The following REDIC1 variants were observed in gnomAD, a reference collection of about 807,000 sequenced individuals.
REDIC1 encodes regulator of DNA class I crossover intermediates 1.
the REDIC1 span, among the ~76,000 whole-genome samples, chr12:39,805,182 T>C: frequency 6.6e-6 from 1 of 151,902 alleles, no homozygotes; most frequent in South Asian, 2.1e-4. Flanking sequence ...GTGGCCAGAA[T>C]GTGTAGGACT....
the REDIC1 span, among the ~76,000 whole-genome samples, chr12:39,647,187 G>A: frequency 1.3e-5 from 2 of 151,964 alleles, no homozygotes; most frequent in Non-Finnish European, 2.9e-5. Flanking sequence ...TTGGGTTCAC[G>A]TGATTATTGA....
the REDIC1 span, among the ~76,000 whole-genome samples, chr12:39,784,043 G>T: frequency 2.6e-5 from 4 of 152,148 alleles, no homozygotes; most frequent in Non-Finnish European, 5.9e-5. Context: ...TCTTCAAGGA[G>T]AACTACAAAC....
chr12:39,752,152 T>C, the REDIC1 span, among the ~76,000 whole-genome samples: 1 of 152,200 alleles, frequency 6.6e-6, no homozygotes, highest in African/African-American at 2.4e-5. Flanking sequence ...GTGTATCTTC[T>C]AGCGTGGAAT....
chr12:39,784,385 C>A, the REDIC1 span, among the ~76,000 whole-genome samples: 1 of 152,162 alleles, frequency 6.6e-6, no homozygotes, highest in Non-Finnish European at 1.5e-5. Flanking sequence ...AGATATAGAA[C>A]AATGGAACAG....
the REDIC1 span, among the ~76,000 whole-genome samples, chr12:39,712,472 A>C: frequency 2.1e-5 from 3 of 142,112 alleles, no homozygotes; most frequent in East Asian, 6.3e-4. Context: ...ACGTATGTAT[A>C]TATACATACA....
At chr12:39,826,845 T>A in the REDIC1 span, among the ~76,000 whole-genome samples, 1,522 of 127,086 alleles carry the variant, frequency 0.012, 35 homozygotes, top group African/African-American at 0.042. Flanking sequence ...TCTTTTAAAG[T>A]CTCTTTCAAT....
At chr12:39,890,772 CTA>C in the REDIC1 span, among the ~76,000 whole-genome samples, 19 of 152,176 alleles carry the variant, frequency 1.2e-4, no homozygotes, top group South Asian at 3.3e-3. Context: ...TACTGAGACC[CTA>C]TGTTATGGGA....
the REDIC1 span, among the ~76,000 whole-genome samples, chr12:39,840,101 G>A: frequency 4.0e-5 from 6 of 151,814 alleles, no homozygotes; most frequent in Non-Finnish European, 8.8e-5. Flanking sequence ...GTGTGATCTT[G>A]GCTCACTGCA....
At chr12:39,658,380 C>A in the REDIC1 span, among the ~76,000 whole-genome samples, 1 of 152,182 alleles carries the variant, frequency 6.6e-6, no homozygotes, top group Non-Finnish European at 1.5e-5. Context: ...ACACCATGCC[C>A]AGCCTGGATC....
chr12:39,713,551 C>T, the REDIC1 span, among the ~76,000 whole-genome samples: 14 of 148,850 alleles, frequency 9.4e-5, no homozygotes, highest in South Asian at 6.3e-4. Flanking sequence ...CGTATACATG[C>T]GTGCATACAT....
At chr12:39,885,100 A>C in the REDIC1 span, among the ~76,000 whole-genome samples, 1 of 152,198 alleles carries the variant, frequency 6.6e-6, no homozygotes, top group Non-Finnish European at 1.5e-5. Flanking sequence ...CCTTTCAGGC[A>C]GGGGGCTGAT....
chr12:39,893,662 A>G, the REDIC1 span, among the ~76,000 whole-genome samples: 10 of 152,180 alleles, frequency 6.6e-5, no homozygotes, highest in African/African-American at 2.4e-4. Context: ...TAAAAGTTAA[A>G]TTCTAACTAG....
At chr12:39,659,675 A>G in the REDIC1 span, among the ~76,000 whole-genome samples, 2 of 61,190 alleles carry the variant, frequency 3.3e-5, no homozygotes, top group Non-Finnish European at 6.7e-5. Flanking sequence ...AATACAGGAA[A>G]TATAGTTATG....
At chr12:39,720,519 G>A in the REDIC1 span, among the ~76,000 whole-genome samples, 7 of 151,898 alleles carry the variant, frequency 4.6e-5, no homozygotes, top group Admixed American at 1.3e-4. Flanking sequence ...AAAATTTCTC[G>A]TCTCCTTTTT....
the REDIC1 span, among the ~76,000 whole-genome samples, chr12:39,711,196 C>T: frequency 6.6e-6 from 1 of 150,604 alleles, no homozygotes; most frequent in Non-Finnish European, 1.5e-5. Context: ...GCTGTTAATT[C>T]CTTCCTTTTT....
At chr12:39,730,654 A>C in the REDIC1 span, among the ~76,000 whole-genome samples, 2 of 152,182 alleles carry the variant, frequency 1.3e-5, no homozygotes, top group South Asian at 2.1e-4. Flanking sequence ...GCTCTTCTTG[A>C]GGAGTATCTT....
the REDIC1 span, among the ~76,000 whole-genome samples, chr12:39,702,419 A>T: frequency 6.6e-6 from 1 of 152,202 alleles, no homozygotes; most frequent in South Asian, 2.1e-4. Flanking sequence ...CAATAACAGG[A>T]TCTGAAATTG....
At chr12:39,753,294 TAGAG>T in the REDIC1 span, among the ~76,000 whole-genome samples, 3 of 152,140 alleles carry the variant, frequency 2.0e-5, no homozygotes, top group Non-Finnish European at 4.4e-5. Context: ...TACAGCCAAT[TAGAG>T]AGGGTTAATG....
At chr12:39,859,768 C>T in the REDIC1 span, among the ~76,000 whole-genome samples, 1 of 152,042 alleles carries the variant, frequency 6.6e-6, no homozygotes, top group Non-Finnish European at 1.5e-5. Flanking sequence ...CTTGGTGATC[C>T]GCCTGACTTG....
Sources: allele counts gnomAD v4.1 joint callset (sites outside exome capture counted in the v4.1 genomes callset), GRCh38; gene constraint gnomAD v4.1.1; transcripts MANE v1.5; gene names NCBI Gene and HGNC (gene_info 2026-07-23, HGNC 2026-07-21).